PEBP4: variants seen among roughly 807,000 people sequenced by gnomAD.
PEBP4 encodes the protein phosphatidylethanolamine binding protein 4, also known as phosphatidylethanolamine-binding protein 4.
A neutral mutation model predicts 23.9 loss-of-function variants in PEBP4; 22 were observed. That is an observed-to-expected ratio of 0.92 (90% confidence interval 0.66 to 1.31). The LOEUF (loss-of-function observed/expected upper bound fraction) is 1.31. Ranked by LOEUF, PEBP4 falls within the 40% of genes most tolerant of loss-of-function variation. The probability of loss-of-function intolerance (pLI) is 0.00; values close to 1 mark genes in which losing one functional copy is unlikely to be tolerated. For synonymous variants in PEBP4, 112 were observed against 99.3 expected (o/e 1.13, Z -0.76); for missense variants, 324 against 281.7 (o/e 1.15, Z -1.07).
intron 6 of PEBP4, among the ~76,000 whole-genome samples, chr8:22,719,152 T>C (rs1213839437): frequency 3.9e-5 from 6 of 152,216 alleles, no homozygotes; most frequent in African/African-American, 1.4e-4. Flanking sequence ...GAGCGGCTTA[T>C]GGCTGCCTGG....
chr8:22,845,697 C>T (rs1807418342), intron 3 of PEBP4, among the ~76,000 whole-genome samples: 1 of 152,224 alleles, frequency 6.6e-6, no homozygotes, highest in Admixed American at 6.5e-5. Flanking sequence ...TTGAGAAATC[C>T]ATTCTCAATA....
chr8:22,910,754 A>G (rs2128778789), intron 3 of PEBP4, among the ~76,000 whole-genome samples: 1 of 152,364 alleles, frequency 6.6e-6, no homozygotes, highest in Admixed American at 6.5e-5. Flanking sequence ...ATTCTGGAGA[A>G]GGCAAAACTA....
chr8:22,724,883 T>TC lies in PEBP4; in HGVS notation c.476dup (p.Val161SerfsTer30). The TC allele has an allele frequency of 6.2e-7, 1 of 1,614,128 alleles. No homozygotes were observed. The highest frequency in any genetic ancestry group is 1.1e-5 in the South Asian group (1 of 91,082). On this transcript the variant is annotated frameshift_variant, in exon 6 of 7. Coordinates refer to ENST00000256404, the MANE Select transcript of PEBP4 (RefSeq NM_144962.3). LOFTEE classifies it low-confidence loss of function (END_TRUNC). ...CCTTGGGAAGGAGAGAGATGACTTT[T>TC]CCTTCCTGAAGATAGACAAAGAACT...
intron 4 of PEBP4, among the ~76,000 whole-genome samples, chr8:22,754,122 T>G (rs1179542869): frequency 6.6e-6 from 1 of 152,190 alleles, no homozygotes; most frequent in Non-Finnish European, 1.5e-5. Flanking sequence ...TTTCTCAGGA[T>G]GGGCTCTGGG....
intron 3 of PEBP4, among the ~76,000 whole-genome samples, chr8:22,829,850 C>G (rs907091650): frequency 6.6e-6 from 1 of 152,184 alleles, no homozygotes; most frequent in Admixed American, 6.5e-5. Flanking sequence ...CACCCTCAGC[C>G]TGTTTCCTTA....
intron 3 of PEBP4, among the ~76,000 whole-genome samples, chr8:22,838,408 G>A (rs971365217): frequency 5.9e-5 from 9 of 152,268 alleles, no homozygotes; most frequent in African/African-American, 7.2e-5. Context: ...GGATGAGCCC[G>A]TTGGACTGCT....
intron 4 of PEBP4, among the ~76,000 whole-genome samples, chr8:22,766,148 C>G (rs1304878779): frequency 6.6e-6 from 1 of 152,252 alleles, no homozygotes; most frequent in African/African-American, 2.4e-5. Context: ...ACCCTCACGC[C>G]ACAGTCTTGG....
intron 5 of PEBP4, 66 bp from the exon 6 acceptor site, chr8:22,725,022 C>A (rs1469873498): frequency 7.2e-7 from 1 of 1,385,780 alleles, no homozygotes; most frequent in Non-Finnish European, 1.0e-6. Context: ...GAGCTCTCTG[C>A]CTTCCCATGG....
rs200713467 is a variant in PEBP4, at chr8:22,724,846, G to C, written c.514C>G (p.Arg172Gly). 22 of 1,610,822 alleles carry C rather than the reference G, an allele frequency of 1.4e-5. No homozygotes were observed. The East Asian group carries it at 4.9e-4, about 36-fold the overall frequency. The change falls in exon 6 of 7, where the codon CGA becomes GGA. Residue 172 changes from arginine (R) to glycine (G), a missense_variant. By Grantham distance (125) the Arg-to-Gly change is moderately radical. Transcript: ENST00000256404. ...TGGAAGGATGGGGAGGTCTTACCTCGAGTTTTGTTTTCCTTGGGAAGGAGA... is the reference window on the plus strand; with the variant it reads ...TGGAAGGATGGGGAGGTCTTACCTCCAGTTTTGTTTTCCTTGGGAAGGAGA... ...ISLLPKENKTRGSWKMDRFLN... is the reference protein window; with the variant it reads ...ISLLPKENKTGGSWKMDRFLN...
At chr8:22,859,335 A>C (rs1807718696) in intron 3 of PEBP4, among the ~76,000 whole-genome samples, 1 of 152,206 alleles carries the variant, frequency 6.6e-6, no homozygotes. Flanking sequence ...GGTTGCTTAC[A>C]ACTATTCAAT....
intron 2 of PEBP4, chr8:22,924,634 A>C: frequency 1.0e-6 from 1 of 983,576 alleles, no homozygotes. Flanking sequence ...GGAGCTTTTC[A>C]ACACCAAAAA....
At chr8:22,848,837 T>C (rs1383071042) in intron 3 of PEBP4, among the ~76,000 whole-genome samples, 1 of 152,230 alleles carries the variant, frequency 6.6e-6, no homozygotes, top group African/African-American at 2.4e-5. Context: ...AGCGGAATTG[T>C]TTCCCTTTGA....
chr8:22,846,095 T>G (rs59592414), intron 3 of PEBP4, among the ~76,000 whole-genome samples: 2,676 of 152,324 alleles, frequency 0.018, 85 homozygotes, highest in African/African-American at 0.061. Flanking sequence ...CTTTGGGCTG[T>G]TTCTGGTGGG....
rs1187748375 is a variant in PEBP4, at chr8:22,920,251, C to G, written c.191G>C (p.Cys64Ser). The stretch of plus-strand genomic sequence containing the variant: ...GGTGATCTTCTGTCTGTAGTTGTTA[C>G]AATCAGGAACAACCTTGCAGCCAAT... ...GNIGCKVVPDCNNYRQKITSW... is the reference protein window; with the variant it reads ...GNIGCKVVPDSNNYRQKITSW... The change falls in exon 3 of 7, where the codon TGT becomes TCT. Residue 64 changes from cysteine to serine, a missense_variant. Cys to Ser is a moderately radical substitution (Grantham distance 112). Coordinates refer to ENST00000256404, the MANE Select transcript of PEBP4 (RefSeq NM_144962.3). 2.5e-6 allele frequency: 4 copies of G among 1,613,756 alleles called. No homozygotes were observed. Among genetic ancestry groups the G allele is most frequent in the Non-Finnish European group, 3.4e-6 (4 of 1,179,862 alleles).
chr8:22,817,857 A>T (rs1806777610), intron 3 of PEBP4, 122 bp from the exon 4 acceptor site: 1 of 788,614 alleles, frequency 1.3e-6, no homozygotes. Context: ...ATGGCGTCCC[A>T]TCCAGTTTAT....
intron 4 of PEBP4, among the ~76,000 whole-genome samples, chr8:22,748,177 C>A (rs1021468988): frequency 1.3e-5 from 2 of 152,162 alleles, no homozygotes; most frequent in South Asian, 4.1e-4. Flanking sequence ...CTCCCCAGAT[C>A]TGGAGAGAAA....
chr8:22,801,960 A>G (rs1001120751), intron 4 of PEBP4, among the ~76,000 whole-genome samples: 1 of 152,124 alleles, frequency 6.6e-6, no homozygotes, highest in African/African-American at 2.4e-5. Context: ...AGTGACTTCC[A>G]TCCTCTTTGA....
chr8:22,902,912 C>T (rs564732639), intron 3 of PEBP4, among the ~76,000 whole-genome samples: 1 of 152,342 alleles, frequency 6.6e-6, no homozygotes, highest in Non-Finnish European at 1.5e-5. Context: ...GCAGCATAGC[C>T]TTGCGTTCCC....
intron 4 of PEBP4, among the ~76,000 whole-genome samples, chr8:22,767,870 T>C (rs888329903): frequency 3.9e-5 from 6 of 152,080 alleles, no homozygotes; most frequent in Non-Finnish European, 1.5e-5. Context: ...CTCCTGAGTA[T>C]CTGGGATTAC....
Sources: gnomAD v4.1 joint callset for allele counts (sites outside exome capture counted in the v4.1 genomes callset) on GRCh38, gnomAD v4.1.1 for gene constraint, MANE v1.5 for transcripts, NCBI Gene and HGNC (gene_info 2026-07-23, HGNC 2026-07-21) for gene names.